Variants in UNKL observed in about 807,000 individuals in gnomAD.
UNKL encodes putative E3 ubiquitin-protein ligase UNKL.
A neutral mutation model predicts 78.0 loss-of-function variants in UNKL; 60 were observed. The ratio of observed to expected loss-of-function variants is 0.77; its 90% confidence interval spans 0.63 to 0.95. The LOEUF (loss-of-function observed/expected upper bound fraction) is 0.95, where lower values mean the gene tolerates loss of function less well. Among genes scored for constraint, UNKL ranks in the 40% least tolerant of loss-of-function variants. UNKL has a pLI of 0.00. For synonymous variants in UNKL, 608 were observed against 474.8 expected (o/e 1.28, Z -3.65); for missense variants, 1,159 against 1,045.7 (o/e 1.11, Z -1.49).
At chr16:1,398,522 C>G in intron 5 of UNKL, 1 of 1,308,492 alleles carries the variant, frequency 7.6e-7, no homozygotes, top group South Asian at 1.6e-5. Flanking sequence ...GCGTCCTTCC[C>G]AAAGGAAGCA....
intron 10 of UNKL, chr16:1,383,579 G>A (rs999493570): frequency 1.7e-5 from 6 of 356,570 alleles, no homozygotes; most frequent in African/African-American, 6.4e-5. Flanking sequence ...CTAAGTGGCC[G>A]CTGGGAAGAG....
In UNKL at chr16:1,371,499, C is replaced by T. The variant is rs527843401; in HGVS notation, c.1357+20G>A. The T allele has an allele frequency of 4.0e-4, 612 of 1,535,538 alleles. 7 individuals are homozygous for T. The East Asian group carries it at 0.013, about 32-fold the overall frequency. On this transcript the variant is annotated intron_variant, in intron 11 of 14. Coordinates refer to ENST00000389221, the MANE Select transcript of UNKL (RefSeq NM_001372107.1). ...TTCAGCGGCTGGAGGAGCAGGGCCC[C>T]AGGTCCTCCCCACCCTCACCTGCTG...
At chr16:1,378,456 A>G (rs765124616) in intron 10 of UNKL, among the ~76,000 whole-genome samples, 3 of 152,162 alleles carry the variant, frequency 2.0e-5, no homozygotes, top group African/African-American at 4.8e-5. Flanking sequence ...CAAAGACGCA[A>G]AGAAGTTGGG....
Position 1,403,966 on chromosome 16 carries a change from G to A in UNKL, c.288-622C>T, listed in dbSNP as rs1321335474. Among the ~76,000 whole-genome samples, 1 of 152,188 alleles carries A rather than the reference G, an allele frequency of 6.6e-6. No individual in the cohort carries two copies. The highest frequency in any genetic ancestry group is 2.4e-5 in the African/African-American group (1 of 41,442). Reference sequence around the variant, plus strand: ...AGGCCCAGAGCCATGCTCCTGGGGAGTCACAGGCAGCTCCTGAAGCACGAT... The same window carrying A: ...AGGCCCAGAGCCATGCTCCTGGGGAATCACAGGCAGCTCCTGAAGCACGAT... On this transcript the variant is annotated intron_variant, in intron 2 of 14. Transcript: ENST00000389221. The surrounding 1 kb of genome is among the most constrained non-coding windows in gnomAD (Gnocchi z 4.8).
chr16:1,408,097 C>A (rs1455406472), intron 2 of UNKL, among the ~76,000 whole-genome samples: 2 of 152,128 alleles, frequency 1.3e-5, no homozygotes, highest in Admixed American at 1.3e-4. Context: ...AGAGCCAGAC[C>A]CTGGCTCAAA....
intron 10 of UNKL, among the ~76,000 whole-genome samples, chr16:1,372,801 C>T (rs1372491469): frequency 6.6e-6 from 1 of 152,032 alleles, no homozygotes; most frequent in African/African-American, 2.4e-5. Flanking sequence ...TGGCCAACAC[C>T]GCACAGAGAC....
chr16:1,394,024 G>A, intron 7 of UNKL, 107 bp downstream of exon 7: 2 of 1,173,140 alleles, frequency 1.7e-6, no homozygotes, highest in Non-Finnish European at 2.4e-6. Context: ...GCTCCTGCCC[G>A]CCTTCCAGGT....
At chr16:1,398,900 G>C (rs1426023066) in intron 5 of UNKL, 9 of 1,571,490 alleles carry the variant, frequency 5.7e-6, no homozygotes, top group Non-Finnish European at 7.8e-6. Context: ...TGGGTTGTTG[G>C]CCCTGGGACT....
Position 1,366,049 on chromosome 16 carries a change from CA to C in UNKL, c.*190del. 1.7e-6 allele frequency: 1 copy of C among 596,604 alleles called. No individual in the cohort carries two copies. Among genetic ancestry groups the C allele is most frequent in the South Asian group, 3.2e-5 (1 of 31,714 alleles). 37.0% of individuals were successfully genotyped at this position (596,604 alleles called of 1,614,324 possible). On this transcript the variant is annotated 3_prime_UTR_variant, in exon 15 of 15. Transcript: ENST00000389221. ...ACCGTCGGTAGGACTAGATAGGTGA[CA>C]ACGTGTGACAGGAAAGGCTGTCAGG...
rs1460010543 is a variant in UNKL, at chr16:1,387,217, C to G, written c.1087-1832G>C. The stretch of plus-strand genomic sequence containing the variant: ...AACACCGGGGACACTCCCAGCCATG[C>G]AACACCGGGGACACTCCCAGCCATG... On this transcript the variant is annotated intron_variant, in intron 9 of 14. Transcript: ENST00000389221. This position sits in a 1 kb window ranked among gnomAD's most constrained non-coding sequence, Gnocchi z 4.1. Among the ~76,000 whole-genome samples, 5 of 151,784 alleles carry G rather than the reference C, an allele frequency of 3.3e-5. No individual in the cohort carries two copies. The highest frequency in any genetic ancestry group is 1.2e-4 in the African/African-American group (5 of 41,100).
intron 11 of UNKL, 139 bp from the exon 12 acceptor site, chr16:1,370,496 C>G: frequency 7.5e-7 from 1 of 1,332,710 alleles, no homozygotes; most frequent in Non-Finnish European, 1.0e-6. Flanking sequence ...AGGGGCCAGG[C>G]CAGCCACCAC....
intron 2 of UNKL, chr16:1,407,158 AAAG>A (rs1202707484): frequency 1.3e-5 from 2 of 148,424 alleles, no homozygotes; most frequent in Non-Finnish European, 3.0e-5. Context: ...CAAAAAAAAG[AAAG>A]AAAGAAAAAA....
chr16:1,398,585 G>A (rs926510004), intron 5 of UNKL: 89 of 1,411,102 alleles, frequency 6.3e-5, no homozygotes, highest in Non-Finnish European at 8.1e-5. Flanking sequence ...AAAGAGGCGA[G>A]GGTGGCTCTC....
At position 1,367,645 on chromosome 16, in the gene UNKL, C is replaced by T. The variant is rs199822814; in HGVS notation, c.1788+11G>A. 2 of 1,557,858 alleles carry T rather than the reference C, an allele frequency of 1.3e-6. No homozygotes were observed. The highest frequency in any genetic ancestry group is 1.7e-6 in the Non-Finnish European group (2 of 1,152,592). ...CTCCCCCTCACCTGTCTGGCCCCCC[C>T]ACACACTCACCTGCTTCACCTGCTG... is the stretch of plus-strand genomic sequence containing the variant. On this transcript the variant is annotated intron_variant, in intron 13 of 14. Transcript: ENST00000389221.
At chr16:1,401,434 TCCA>T in intron 4 of UNKL, 131 bp downstream of exon 4, 3 of 1,206,658 alleles carry the variant, frequency 2.5e-6, no homozygotes, top group Non-Finnish European at 3.2e-6. Context: ...GGTATTGGAC[TCCA>T]CGAGCCTCGG....
chr16:1,396,298 A>C (rs1310777981), intron 6 of UNKL, among the ~76,000 whole-genome samples: 2 of 144,842 alleles, frequency 1.4e-5, no homozygotes, highest in Non-Finnish European at 3.0e-5. Flanking sequence ...TCTGTCCTCC[A>C]AGCTGGAGTG....
chr16:1,380,625 G>A (rs1323680047), intron 10 of UNKL, among the ~76,000 whole-genome samples: 3 of 133,136 alleles, frequency 2.3e-5, no homozygotes, highest in Admixed American at 7.9e-5. Flanking sequence ...TGTCGATCCT[G>A]AAAAAAAAAA....
chr16:1,414,156 G>A (rs1231169896), intron 1 of UNKL, 101 bp from the exon 2 acceptor site: 10 of 1,211,074 alleles, frequency 8.3e-6, no homozygotes, highest in Non-Finnish European at 1.0e-5. Flanking sequence ...CTCAACCCAG[G>A]GTCGACCCGT....
At chr16:1,371,911 A>G (rs7206173) in intron 10 of UNKL, among the ~76,000 whole-genome samples, 8,022 of 152,218 alleles carry the variant, frequency 0.053, 409 homozygotes, top group African/African-American at 0.13. Context: ...CAGAGTTTAA[A>G]TACCTAAGTG....
Sources: gnomAD v4.1 joint callset for allele counts (sites outside exome capture counted in the v4.1 genomes callset) on GRCh38, gnomAD v4.1.1 for gene constraint, Gnocchi (gnomAD v3.1) non-coding constraint, MANE v1.5 for transcripts, NCBI Gene and HGNC (gene_info 2026-07-23, HGNC 2026-07-21) for gene names.